Variants in HSD17B6 observed in about 807,000 individuals in gnomAD.
The protein encoded by HSD17B6 is hydroxysteroid 17-beta dehydrogenase 6.
Under a neutral mutation model 26.4 loss-of-function variants are expected in HSD17B6, and 16 were observed. The observed-to-expected ratio is 0.61, with a 90% CI of 0.41 to 0.92. The LOEUF (loss-of-function observed/expected upper bound fraction) is 0.92, where lower values mean the gene tolerates loss of function less well. Among genes scored for constraint, HSD17B6 ranks in the 40% least tolerant of loss-of-function variants. The probability of loss-of-function intolerance (pLI) is 0.00; values close to 1 mark genes in which losing one functional copy is unlikely to be tolerated. For synonymous variants in HSD17B6, 139 were observed against 153.0 expected (o/e 0.91, Z 0.68); for missense variants, 357 against 386.1 (o/e 0.92, Z 0.63).
chr12:56,764,184 G>C (rs371023694), intron 1 of HSD17B6, among the ~76,000 whole-genome samples: 2 of 152,104 alleles, frequency 1.3e-5, no homozygotes, highest in Non-Finnish European at 2.9e-5. Flanking sequence ...GCCCAAGTGG[G>C]AAGAAAAGAA....
At chr12:56,768,278 C>G (rs989147280) in intron 1 of HSD17B6, among the ~76,000 whole-genome samples, 1 of 151,940 alleles carries the variant, frequency 6.6e-6, no homozygotes, top group African/African-American at 2.4e-5. Flanking sequence ...GCTAATAGGT[C>G]CTTGGTGAGC....
At chr12:56,764,698 C>G (rs1954284532) in intron 1 of HSD17B6, among the ~76,000 whole-genome samples, 2 of 152,150 alleles carry the variant, frequency 1.3e-5, no homozygotes, top group Non-Finnish European at 2.9e-5. Context: ...TTCTTTTTCC[C>G]ATTTTGAACA....
At position 56,784,997 on chromosome 12, in the gene HSD17B6, A is replaced by T. The variant is rs753648381; in HGVS notation, c.717A>T (p.Gly239=). The T allele has an allele frequency of 1.4e-5, 22 of 1,612,654 alleles. No homozygotes were observed. The highest frequency in any genetic ancestry group is 1.9e-5 in the Non-Finnish European group (22 of 1,179,746). Residue 239 remains glycine, a synonymous_variant, in exon 4 of 5, where the codon GGA becomes GGT. Coordinates refer to ENST00000322165, the MANE Select transcript of HSD17B6 (RefSeq NM_003725.4). ...EAPKHIKETY[G]QQYFDALYNI... ...CCAAGCATATTAAGGAGACCTATGG[A>T]CAGCAGTATTTTGATGCCCGTAAGC...
At chr12:56,776,218 G>A (rs1167340819) in intron 2 of HSD17B6, among the ~76,000 whole-genome samples, 6 of 151,742 alleles carry the variant, frequency 4.0e-5, no homozygotes, top group Non-Finnish European at 7.4e-5. Context: ...GAGCCATCGC[G>A]CCCGGCTGGA....
intron 3 of HSD17B6, among the ~76,000 whole-genome samples, chr12:56,782,518 T>TTG (rs1312539015): frequency 6.6e-6 from 1 of 152,146 alleles, no homozygotes; most frequent in Admixed American, 6.5e-5. Context: ...TGAGACAGGG[T>TTG]CTCACTCTGT....
rs140398226 is a variant in HSD17B6, at chr12:56,767,955, A to G, written c.-20+4541A>G. Among the ~76,000 whole-genome samples, 1,323 of 148,164 alleles carry G rather than the reference A, an allele frequency of 8.9e-3. 16 individuals are homozygous for G. The highest frequency in any genetic ancestry group is 0.042 in the Middle Eastern group (12 of 288). ...CACACACATATATATGTGTGAAACCATGTGTGTGTGTGTGTGTATATTGTG... is the reference window on the plus strand; with the variant it reads ...CACACACATATATATGTGTGAAACCGTGTGTGTGTGTGTGTGTATATTGTG... On this transcript the variant is annotated intron_variant, in intron 1 of 4. Transcript: ENST00000322165.
chr12:56,771,448 ATTTTT>A (rs35374137), intron 1 of HSD17B6, among the ~76,000 whole-genome samples: 1 of 93,326 alleles, frequency 1.1e-5, no homozygotes. Context: ...AAGGGTTGCA[ATTTTT>A]TTTTTTTTTT....
intron 3 of HSD17B6, among the ~76,000 whole-genome samples, chr12:56,782,899 C>T (rs1954757113): frequency 6.6e-6 from 1 of 152,004 alleles, no homozygotes; most frequent in Non-Finnish European, 1.5e-5. Flanking sequence ...TTGCACCGCC[C>T]TTAATCCATT....
chr12:56,786,629 C>T (rs557328203), intron 4 of HSD17B6, among the ~76,000 whole-genome samples: 20 of 152,260 alleles, frequency 1.3e-4, no homozygotes, highest in African/African-American at 2.4e-4. Flanking sequence ...GTGGGAGGAT[C>T]GCTTGAGCCC....
chr12:56,765,732 G>A (rs1304104178), intron 1 of HSD17B6, among the ~76,000 whole-genome samples: 3 of 151,656 alleles, frequency 2.0e-5, no homozygotes, highest in Admixed American at 2.0e-4. Context: ...GGCTGGTCTC[G>A]AACTCCTCAA....
At chr12:56,771,647 G>A (rs1954475973) in intron 1 of HSD17B6, among the ~76,000 whole-genome samples, 1 of 151,952 alleles carries the variant, frequency 6.6e-6, no homozygotes, top group South Asian at 2.1e-4. Flanking sequence ...TTGTAGAGAT[G>A]CGGTTTCGCC....
At chr12:56,780,828 G>A (rs1954700509) in intron 2 of HSD17B6, among the ~76,000 whole-genome samples, 1 of 130,586 alleles carries the variant, frequency 7.7e-6, no homozygotes, top group East Asian at 2.3e-4. Flanking sequence ...CAGCCTGGGC[G>A]AGACTCCGTC....
chr12:56,767,689 A>G (rs1954368315), intron 1 of HSD17B6, among the ~76,000 whole-genome samples: 1 of 144,994 alleles, frequency 6.9e-6, no homozygotes, highest in South Asian at 2.1e-4. Flanking sequence ...TATACACAAT[A>G]GAGGGTATAT....
chr12:56,768,695 G>A (rs1417822030), intron 1 of HSD17B6, among the ~76,000 whole-genome samples: 1 of 141,846 alleles, frequency 7.0e-6, no homozygotes, highest in African/African-American at 2.6e-5. Context: ...TTTGGAACAG[G>A]TGTTGTTGCG....
At chr12:56,772,828 GT>G (rs1281455316) in intron 1 of HSD17B6, among the ~76,000 whole-genome samples, 21 of 152,042 alleles carry the variant, frequency 1.4e-4, no homozygotes, top group Admixed American at 1.4e-3. Flanking sequence ...AAAGTTGTTT[GT>G]TTTGGCTAAA....
rs774935224 is a variant in HSD17B6 at position 56,787,246 on chromosome 12, T to C, written c.858T>C (p.Asp286=). The C allele has an allele frequency of 6.2e-7, 1 of 1,614,150 alleles. No individual in the cohort carries two copies. The change falls in exon 5 of 5, where the codon GAT becomes GAC. Residue 286 remains aspartate (D), a synonymous_variant. Coordinates refer to ENST00000322165, the MANE Select transcript of HSD17B6 (RefSeq NM_003725.4). ...HPRTRYSAGW[D]AKFFFIPLSY... is the part of the protein sequence containing the mutation. ...GAACTCGATATTCAGCTGGCTGGGA[T>C]GCTAAATTTTTCTTCATCCCTCTAT...
chr12:56,778,392 A>G (rs1479232571), intron 2 of HSD17B6, among the ~76,000 whole-genome samples: 3 of 151,912 alleles, frequency 2.0e-5, no homozygotes, highest in African/African-American at 4.8e-5. Flanking sequence ...AGTTCCAGCG[A>G]TTCTGCTGCC....
chr12:56,787,058 G>T lies in HSD17B6; in HGVS notation c.737-67G>T, dbSNP rs1954890110. On this transcript the variant is annotated intron_variant, in intron 4 of 4. Coordinates refer to ENST00000322165, the MANE Select transcript of HSD17B6 (RefSeq NM_003725.4). ...AGAAATTAGATGTGGTGAGACTTCT[G>T]TGACTGCATGATCTTAAAAATATAA... is the stretch of plus-strand genomic sequence containing the variant. 9 of 1,236,148 alleles carry T rather than the reference G, an allele frequency of 7.3e-6. No individual in the cohort carries two copies. In the East Asian group the frequency reaches 1.9e-4, roughly 26 times the overall value. 76.6% of individuals were successfully genotyped at this position (1,236,148 alleles called of 1,614,324 possible). A position where few individuals can be genotyped will look rare whatever the true frequency, so the allele number is the denominator to read the frequency against.
chr12:56,782,304 G>A (rs997144394), intron 3 of HSD17B6, 72 bp downstream of exon 3: 8 of 1,423,012 alleles, frequency 5.6e-6, no homozygotes, highest in East Asian at 2.3e-5. Flanking sequence ...AGTTGCTTTC[G>A]CCTATCTTAT....
Sources: gnomAD v4.1 joint callset for allele counts (sites outside exome capture counted in the v4.1 genomes callset) on GRCh38, gnomAD v4.1.1 for gene constraint, MANE v1.5 for transcripts, NCBI Gene and HGNC (gene_info 2026-07-23, HGNC 2026-07-21) for gene names.